NUP98: variants seen among roughly 807,000 people sequenced by gnomAD.
NUP98 encodes the protein nucleoporin 98 and 96 precursor, also known as nuclear pore complex protein Nup98-Nup96.
A neutral mutation model predicts 191.9 loss-of-function variants in NUP98; 26 were observed. The ratio of observed to expected loss-of-function variants is 0.14; its 90% confidence interval spans 0.10 to 0.19. The LOEUF is 0.19. NUP98 is among the 10% of genes least tolerant of loss of function. The probability of loss-of-function intolerance (pLI) is 1.00; values close to 1 mark genes in which losing one functional copy is unlikely to be tolerated. For missense variants in NUP98, 1,941 were observed against 2,178.8 expected, an observed-to-expected ratio of 0.89 and a Z score of 2.17; for synonymous variants, 808 against 778.4, an observed-to-expected ratio of 1.04 and a Z score of -0.63.
chr11:3,740,186 T>A (rs980642264), intron 12 of NUP98, among the ~76,000 whole-genome samples: 1 of 151,802 alleles, frequency 6.6e-6, no homozygotes, highest in African/African-American at 2.4e-5. Flanking sequence ...TTTGATGAAG[T>A]AGAATTGAAA....
rs760593633 is a variant in NUP98 at position 3,676,525 on chromosome 11, A to G, written c.5169T>C (p.Asp1723=). The change falls in exon 32 of 33, where the codon GAT becomes GAC. Residue 1723 remains aspartate, a synonymous_variant. Transcript: ENST00000324932. ...GAGGCTTACCTGACTGAGCCAGGCGATCTTTAGCACTGTAACACTGAATCT... is the reference window on the plus strand; with the variant it reads ...GAGGCTTACCTGACTGAGCCAGGCGGTCTTTAGCACTGTAACACTGAATCT... ...IEQIQCYSAK[D]RLAQSDMAKR... 3 of 1,614,108 alleles carry G rather than the reference A, an allele frequency of 1.9e-6. No individual in the cohort carries two copies. The highest frequency in any genetic ancestry group is 1.1e-5 in the South Asian group (1 of 91,086).
chr11:3,791,187 G>GC (rs1351079260), intron 1 of NUP98, among the ~76,000 whole-genome samples: 1 of 151,980 alleles, frequency 6.6e-6, no homozygotes, highest in Non-Finnish European at 1.5e-5. Flanking sequence ...GAGCCACTGC[G>GC]CCCCGCCCAC....
intron 22 of NUP98, 59 bp downstream of exon 22, chr11:3,705,141 A>G: frequency 6.5e-7 from 1 of 1,545,422 alleles, no homozygotes; most frequent in Non-Finnish European, 8.9e-7. Flanking sequence ...AAGAAAAGTG[A>G]AAAGCAGGAC....
At chr11:3,740,327 A>T (rs2080235422) in intron 12 of NUP98, among the ~76,000 whole-genome samples, 1 of 152,152 alleles carries the variant, frequency 6.6e-6, no homozygotes, top group Admixed American at 6.5e-5. Context: ...CCTAGCCAAT[A>T]TGGTGAAACC....
At position 3,776,017 on chromosome 11, in the gene NUP98, A is replaced by G; in HGVS notation, c.360T>C (p.Phe120=). ...GTCCTCCACTGCTAGTACTGGTTCC[A>G]AAATCTAAAAATAAGAAAGAAAAAT... is the stretch of plus-strand genomic sequence containing the variant. ...AQNKPTGFGN[F]GTSTSSGGLF... is the part of the protein sequence containing the mutation. The change falls in exon 5 of 33, where the codon TTT becomes TTC. Residue 120 remains phenylalanine, a synonymous_variant. Coordinates refer to ENST00000324932, the MANE Select transcript of NUP98 (RefSeq NM_016320.5). 1 of 1,597,924 alleles carries G rather than the reference A, an allele frequency of 6.3e-7. No homozygotes were observed. Among genetic ancestry groups the G allele is most frequent in the East Asian group, 2.2e-5 (1 of 44,818 alleles).
chr11:3,792,400 A>T (rs1004352662), intron 1 of NUP98, among the ~76,000 whole-genome samples: 1 of 152,098 alleles, frequency 6.6e-6, no homozygotes, highest in African/African-American at 2.4e-5. Context: ...ACTTGATGTC[A>T]GGAGTTCCAG....
At chr11:3,750,836 A>G (rs985159899) in intron 11 of NUP98, among the ~76,000 whole-genome samples, 1 of 151,242 alleles carries the variant, frequency 6.6e-6, no homozygotes, top group African/African-American at 2.4e-5. Flanking sequence ...GCATCTTACT[A>G]TGTTGCTCAA....
chr11:3,753,755 CAAAAAAAAAAAAAAAAAAAAAAA>C (rs58867754), intron 10 of NUP98, among the ~76,000 whole-genome samples: 48 of 10,174 alleles, frequency 4.7e-3, no homozygotes, highest in Non-Finnish European at 6.5e-3. Flanking sequence ...TATAAAAATA[CAAAAAAAAAAAAAAAAAAAAAAA>C]AAAAAAAAAA....
At chr11:3,789,573 T>C (rs1258206873) in intron 1 of NUP98, among the ~76,000 whole-genome samples, 3 of 149,798 alleles carry the variant, frequency 2.0e-5, no homozygotes, top group Non-Finnish European at 4.4e-5. Context: ...TGGAATGCAG[T>C]GGCATGATCA....
At chr11:3,723,122 G>A (rs375086012) in intron 16 of NUP98, 35 bp downstream of exon 16, 1 of 1,591,656 alleles carries the variant, frequency 6.3e-7, no homozygotes, top group Non-Finnish European at 8.6e-7. Flanking sequence ...CGAATGACTG[G>A]TAAGAGATTA....
At chr11:3,749,367 G>A (rs1188463987) in intron 11 of NUP98, among the ~76,000 whole-genome samples, 3 of 152,174 alleles carry the variant, frequency 2.0e-5, no homozygotes, top group Non-Finnish European at 4.4e-5. Flanking sequence ...GCTCACGCCT[G>A]TAATCCCAGC....
chr11:3,771,217 T>C (rs570282821), intron 7 of NUP98, among the ~76,000 whole-genome samples: 54 of 152,310 alleles, frequency 3.5e-4, no homozygotes, highest in African/African-American at 1.3e-3. Context: ...AATAGCTTTC[T>C]AAGTAATTTG....
Position 3,722,421 on chromosome 11 carries a change from C to G in NUP98, c.2146+736G>C, listed in dbSNP as rs2079437916. Among the ~76,000 whole-genome samples, 4 of 151,814 alleles carry G rather than the reference C, an allele frequency of 2.6e-5. No homozygotes were observed. In the South Asian group the frequency reaches 6.2e-4, roughly 24 times the overall value. ...CCAGGCTACCTGGGATTCTTACTGT[C>G]AAAGTATAAACTTCTTTCCTTATGA... On this transcript the variant is annotated intron_variant, in intron 16 of 32. Transcript: ENST00000324932.
intron 8 of NUP98, 140 bp from the exon 9 acceptor site, chr11:3,763,179 T>C: frequency 1.3e-6 from 1 of 760,504 alleles, no homozygotes; most frequent in South Asian, 2.4e-5. Context: ...GATTATTTCC[T>C]TCAAAACAAC....
chr11:3,700,876 C>T (rs1365822729), intron 23 of NUP98, 37 bp from the exon 24 acceptor site: 1 of 1,428,894 alleles, frequency 7.0e-7, no homozygotes, highest in Non-Finnish European at 9.7e-7. Context: ...AGAAAATGAA[C>T]CTAAGACAGA....
At chr11:3,740,630 AAGG>A (rs1387344518) in intron 12 of NUP98, among the ~76,000 whole-genome samples, 1 of 151,990 alleles carries the variant, frequency 6.6e-6, no homozygotes, top group Non-Finnish European at 1.5e-5. Flanking sequence ...AACACATAAA[AAGG>A]AGAAGGGCAA....
At chr11:3,747,518 G>A (rs1207485544) in intron 11 of NUP98, among the ~76,000 whole-genome samples, 3 of 152,150 alleles carry the variant, frequency 2.0e-5, no homozygotes, top group Admixed American at 6.6e-5. Flanking sequence ...ATGTCCATGA[G>A]TTAATGAATG....
At chr11:3,785,233 A>T (rs1201660544) in intron 1 of NUP98, among the ~76,000 whole-genome samples, 2 of 152,076 alleles carry the variant, frequency 1.3e-5, no homozygotes, top group African/African-American at 4.8e-5. Context: ...GCTTCTCATG[A>T]AGAACCTGAT....
chr11:3,721,765 A>T (rs2079410842), intron 16 of NUP98, among the ~76,000 whole-genome samples: 1 of 152,070 alleles, frequency 6.6e-6, no homozygotes, highest in South Asian at 2.1e-4. Flanking sequence ...AAAAAAAAAT[A>T]CCAAAATAAA....
Sources: gnomAD v4.1 joint callset for allele counts (sites outside exome capture counted in the v4.1 genomes callset) on GRCh38, gnomAD v4.1.1 for gene constraint, MANE v1.5 for transcripts, NCBI Gene and HGNC (gene_info 2026-07-23, HGNC 2026-07-21) for gene names.